The following RIC3 variants were observed in gnomAD, a reference collection of about 807,000 sequenced individuals.
RIC3 encodes protein RIC-3.
In RIC3, 28 loss-of-function variants were observed where a neutral mutation model predicts 27.3. The observed-to-expected ratio is 1.02, with a 90% confidence interval of 0.76 to 1.41. The LOEUF is 1.41. Ranked by LOEUF, RIC3 falls within the 40% of genes most tolerant of loss-of-function variation. The pLI is 0.00. For synonymous variants in RIC3, 184 were observed against 160.4 expected, an observed-to-expected ratio of 1.15 and a Z score of -1.11; for missense variants, 501 against 444.7, an observed-to-expected ratio of 1.13 and a Z score of -1.14.
chr11:8,129,087 A>C (rs745383386), intron 4 of RIC3, among the ~76,000 whole-genome samples: 2 of 151,946 alleles, frequency 1.3e-5, no homozygotes, highest in Non-Finnish European at 2.9e-5. Context: ...TTTTCACTTT[A>C]CTAAGTCCAA....
At chr11:8,093,106 C>T in the RIC3 span, among the ~76,000 whole-genome samples, 29 of 152,174 alleles carry the variant, frequency 1.9e-4, 1 homozygote, top group African/African-American at 5.5e-4. Flanking sequence ...CAGATGGTCA[C>T]GGGGTTGCTT....
At chr11:8,136,084 G>A (rs1211857881) in intron 4 of RIC3, among the ~76,000 whole-genome samples, 2 of 152,150 alleles carry the variant, frequency 1.3e-5, no homozygotes, top group African/African-American at 4.8e-5. Flanking sequence ...CAAAAAGAAG[G>A]TCAAGGCTCC....
intron 1 of RIC3, among the ~76,000 whole-genome samples, chr11:8,161,885 G>A (rs1381998691): frequency 4.0e-5 from 6 of 150,490 alleles, no homozygotes; most frequent in African/African-American, 4.9e-5. Flanking sequence ...GGTAATGTCC[G>A]AAACTGTTGC....
chr11:8,113,603 G>A (rs1180388774), intron 5 of RIC3, among the ~76,000 whole-genome samples: 2 of 152,100 alleles, frequency 1.3e-5, no homozygotes, highest in African/African-American at 4.8e-5. Context: ...CCCAGTGCCA[G>A]GCTAGTCTCT....
the RIC3 span, chr11:8,097,659 A>G: frequency 6.7e-6 from 10 of 1,493,762 alleles, no homozygotes; most frequent in Non-Finnish European, 8.3e-6. Context: ...GGCTCTCATG[A>G]CTGTGTGCAG....
downstream of RIC3, chr11:8,105,614 C>T (rs1944537803): frequency 6.6e-6 from 1 of 152,110 alleles, no homozygotes; most frequent in South Asian, 2.1e-4. Context: ...TTTTCCTAAC[C>T]ACAAGATAAA....
the RIC3 span, chr11:8,100,416 GC>G: frequency 9.7e-7 from 1 of 1,027,062 alleles, no homozygotes; most frequent in Non-Finnish European, 1.5e-6. Context: ...GTGGGAACTA[GC>G]TCTTCCTCTT....
In RIC3 at chr11:8,108,689, G is replaced by A. The variant is rs1396377354; in HGVS notation, c.*2009C>T. The A allele has an allele frequency of 2.0e-5, 3 of 152,162 alleles. No homozygotes were observed. The highest frequency in any genetic ancestry group is 4.4e-5 in the Non-Finnish European group (3 of 68,036). The allele number at this position is 152,162 out of a possible 1,614,324, so 9.4% of individuals were successfully genotyped here. On this transcript the variant is annotated 3_prime_UTR_variant, in exon 6 of 6. Coordinates refer to ENST00000309737, the MANE Select transcript of RIC3 (RefSeq NM_001206671.4). ...TCCTGAGCCCTCTTACAGGGTCATA[G>A]TTCATTTTATCTGTCAGGCTCTCTC...
Position 8,168,848 on chromosome 11 carries a change from G to A in RIC3, c.124+18C>T, listed in dbSNP as rs1192760124. Reference sequence around the variant, plus strand: ...TCTTCGGCGCCGGGAAGCTCAGAGGGAGCTGGCCTGCTCTTACCTTCAGGT... The same window carrying A: ...TCTTCGGCGCCGGGAAGCTCAGAGGAAGCTGGCCTGCTCTTACCTTCAGGT... On this transcript the variant is annotated intron_variant, in intron 1 of 5. Coordinates refer to ENST00000309737, the MANE Select transcript of RIC3 (RefSeq NM_001206671.4). The A allele has an allele frequency of 6.8e-6, 11 of 1,608,720 alleles. No homozygotes were observed. The highest frequency in any genetic ancestry group is 2.2e-5 in the South Asian group (2 of 90,820).
intron 2 of RIC3, chr11:8,139,636 ATTT>A (rs72265360): frequency 0.012 from 1,134 of 92,748 alleles, 16 homozygotes; most frequent in African/African-American, 0.05. Context: ...AAAGATGTTA[ATTT>A]TTTTTTTTTT....
At position 8,152,583 on chromosome 11, in the gene RIC3, G is replaced by T. The variant is rs866132261; in HGVS notation, c.125-12390C>A. Among the ~76,000 whole-genome samples, 28 of 152,250 alleles carry T rather than the reference G, an allele frequency of 1.8e-4. 2 individuals carry two copies. The South Asian group carries it at 5.6e-3, about 30-fold the overall frequency. On this transcript the variant is annotated intron_variant, in intron 1 of 5. Coordinates refer to ENST00000309737, the MANE Select transcript of RIC3 (RefSeq NM_001206671.4). ...GGGGTTTGGAGGGGTGCAGAGGAAGGAAAAAGTGACTGCCTAATGTGTATG... is the reference window on the plus strand; with the variant it reads ...GGGGTTTGGAGGGGTGCAGAGGAAGTAAAAAGTGACTGCCTAATGTGTATG...
At chr11:8,126,201 C>G (rs1946972844) in intron 5 of RIC3, among the ~76,000 whole-genome samples, 1 of 152,094 alleles carries the variant, frequency 6.6e-6, no homozygotes, top group Non-Finnish European at 1.5e-5. Context: ...AACCCAAACG[C>G]TCCTCAACTG....
chr11:8,118,124 G>A (rs941135614), intron 5 of RIC3, among the ~76,000 whole-genome samples: 3 of 151,204 alleles, frequency 2.0e-5, no homozygotes, highest in East Asian at 2.0e-4. Context: ...TTGGGAGGCT[G>A]AGGCAGGAGA....
In RIC3 at chr11:8,108,151, T is replaced by G. The variant is rs891239947; in HGVS notation, c.*2547A>C. ...AGAACCACCATAAGGGCTTAGTACT[T>G]CTGGCAGGAATTTCCATAAGCCAAT... On this transcript the variant is annotated 3_prime_UTR_variant, in exon 6 of 6. Coordinates refer to ENST00000309737, the MANE Select transcript of RIC3 (RefSeq NM_001206671.4). 7 of 152,224 alleles carry G rather than the reference T, an allele frequency of 4.6e-5. No individual in the cohort carries two copies. Among genetic ancestry groups the G allele is most frequent in the African/African-American group, 1.7e-4 (7 of 41,450 alleles). 9.4% of individuals were successfully genotyped at this position (152,224 alleles called of 1,614,324 possible). A position where few individuals can be genotyped will look rare whatever the true frequency, so the allele number is the denominator to read the frequency against.
intron 1 of RIC3, among the ~76,000 whole-genome samples, chr11:8,141,392 A>C (rs1949047528): frequency 6.6e-6 from 1 of 152,250 alleles, no homozygotes; most frequent in Non-Finnish European, 1.5e-5. Context: ...AGTTTCTGAT[A>C]AAACAGACTT....
intron 1 of RIC3, among the ~76,000 whole-genome samples, chr11:8,154,434 T>C (rs1233629715): frequency 1.3e-5 from 2 of 152,232 alleles, no homozygotes; most frequent in African/African-American, 4.8e-5. Context: ...TTAATGCTAC[T>C]GAACTGTTTA....
intron 4 of RIC3, among the ~76,000 whole-genome samples, chr11:8,136,303 C>T (rs746349566): frequency 2.6e-5 from 4 of 152,168 alleles, no homozygotes; most frequent in Non-Finnish European, 5.9e-5. Flanking sequence ...GGTAGAGCAA[C>T]GATTTCCTGG....
chr11:8,147,010 C>G (rs1038387156), intron 1 of RIC3, among the ~76,000 whole-genome samples: 2 of 152,158 alleles, frequency 1.3e-5, no homozygotes, highest in African/African-American at 2.4e-5. Context: ...ATCTGCCTCC[C>G]ATTTTTATTC....
the RIC3 span, chr11:8,097,795 C>T: frequency 1.9e-6 from 3 of 1,613,870 alleles, no homozygotes; most frequent in Non-Finnish European, 2.5e-6. Context: ...AGACTTGTCT[C>T]GAGGAGGGGA....
Sources: allele counts gnomAD v4.1 joint callset (sites outside exome capture counted in the v4.1 genomes callset), GRCh38; gene constraint gnomAD v4.1.1; transcripts MANE v1.5; gene names NCBI Gene and HGNC (gene_info 2026-07-23, HGNC 2026-07-21).